The following PEX16 variants were observed in gnomAD, a reference collection of about 807,000 sequenced individuals.
PEX16 encodes the protein peroxin 16.
A neutral mutation model predicts 50.5 loss-of-function variants in PEX16; 37 were observed. That is an observed-to-expected ratio of 0.73 (90% CI 0.56 to 0.96). The LOEUF is 0.96. Ranked by LOEUF, PEX16 falls within the 40% of genes least tolerant of loss-of-function variation. The pLI is 0.00. For missense variants in PEX16, 401 were observed against 438.3 expected (o/e 0.91, Z 0.76); for synonymous variants, 185 against 190.3 (o/e 0.97, Z 0.23).
At chr11:45,915,918 T>TTGTCA in intron 3 of PEX16, 82 bp from the exon 4 acceptor site, 2 of 1,341,170 alleles carry the variant, frequency 1.5e-6, no homozygotes, top group Non-Finnish European at 2.1e-6. Context: ...GGAGCTTCTC[T>TTGTCA]GACAAGAGAT....
At chr11:45,918,519 G>GT (rs1565083439), upstream of PEX16, 1 of 152,844 alleles carries the variant, frequency 6.5e-6, no homozygotes, top group African/African-American at 2.4e-5. Context: ...TATGGACTGT[G>GT]CCCCCCAAAG....
chr11:45,910,094 G>T lies in PEX16; in HGVS notation c.*160C>A. On this transcript the variant is annotated 3_prime_UTR_variant, in exon 11 of 11. Coordinates refer to ENST00000378750, the MANE Select transcript of PEX16 (RefSeq NM_004813.4). Reference sequence around the variant, plus strand: ...ATCGTCACAGGAGAGCGCAGTCAAGGGTGTCCTGGGAGGAACGCTGGTGGC... The same window carrying T: ...ATCGTCACAGGAGAGCGCAGTCAAGTGTGTCCTGGGAGGAACGCTGGTGGC... 2 of 1,611,146 alleles carry T rather than the reference G, an allele frequency of 1.2e-6. No homozygotes were observed. Among genetic ancestry groups the T allele is most frequent in the Non-Finnish European group, 1.7e-6 (2 of 1,179,646 alleles).
rs886044340 is a variant in PEX16, at chr11:45,916,244, G to A, written c.208C>T (p.Arg70Trp). The change falls in exon 3 of 11, where the codon CGG (arginine) becomes TGG (tryptophan). Residue 70 changes from arginine to tryptophan, a missense_variant. By Grantham distance (101) the Arg-to-Trp change is moderately radical. Transcript: ENST00000378750. ...ATTCTCACCACAGGCAACTTTTTCC[G>A]AAGCTCCTTCCGTAGGATCCCGTCA... is the stretch of plus-strand genomic sequence containing the variant. ...LNDGILRKEL[R>W]KKLPVSLSQQ... is the part of the protein sequence containing the mutation. The A allele has an allele frequency of 5.6e-6, 9 of 1,613,668 alleles. No homozygotes were observed. The highest frequency in any genetic ancestry group is 1.7e-5 in the Admixed American group (1 of 59,976).
In PEX16 at chr11:45,917,782, G is replaced by A. The variant is rs1185836143; in HGVS notation, c.30C>T (p.Arg10=). ...GGTGACGAGTCACGTACTCCTGGTA[G>A]CGGAGGCCCAGGAGCCGCAGCTTCT... MEKLRLLGL[R]YQEYVTRHPA... is the part of the protein sequence containing the mutation. The change falls in exon 1 of 11, where the codon CGC becomes CGT. Residue 10 remains arginine (R), a synonymous_variant. Coordinates refer to ENST00000378750, the MANE Select transcript of PEX16 (RefSeq NM_004813.4). The A allele has an allele frequency of 6.5e-7, 1 of 1,548,030 alleles. No individual in the cohort carries two copies. The highest frequency in any genetic ancestry group is 8.7e-7 in the Non-Finnish European group (1 of 1,148,114).
At chr11:45,917,518 T>G in intron 1 of PEX16, 25 bp from the exon 2 acceptor site, 1 of 1,613,366 alleles carries the variant, frequency 6.2e-7, no homozygotes, top group Non-Finnish European at 8.5e-7. Flanking sequence ...CAGAAGGAGG[T>G]GTGAGTGAGC....
At position 45,909,962 on chromosome 11, in the gene PEX16, C is replaced by A; in HGVS notation, c.*292G>T. ...ATGGCTGCCGAGGCGAGCAGCTTCC[C>A]GGGCTCCATGAGGTGAAGTCACCGC... On this transcript the variant is annotated 3_prime_UTR_variant, in exon 11 of 11. Transcript: ENST00000378750. 1 of 857,460 alleles carries A rather than the reference C, an allele frequency of 1.2e-6. No individual in the cohort carries two copies. Among genetic ancestry groups the A allele is most frequent in the Non-Finnish European group, 1.9e-6 (1 of 519,018 alleles). 53.1% of individuals were successfully genotyped at this position (857,460 alleles called of 1,614,324 possible).
rs756167148 is a variant in PEX16 at position 45,914,324 on chromosome 11, A to G, written c.686T>C (p.Leu229Pro). ...IAEFLYIARP[L>P]LHLLSLGLWG... is the part of the protein sequence containing the mutation. ...CCCCGCGCTAAGGATACAGTGCAGCAGCGGCCGGGCAATGTACAAAAACTC... is the reference window on the plus strand; with the variant it reads ...CCCCGCGCTAAGGATACAGTGCAGCGGCGGCCGGGCAATGTACAAAAACTC... The change falls in exon 7 of 11, where the codon CTG becomes CCG. Residue 229 changes from leucine to proline, a missense_variant. Physicochemically the swap from Leu to Pro is moderately conservative, Grantham distance 98 (BLOSUM62 -3). Coordinates refer to ENST00000378750, the MANE Select transcript of PEX16 (RefSeq NM_004813.4). 6.2e-7 allele frequency: 1 copy of G among 1,613,118 alleles called. No individual in the cohort carries two copies. Among genetic ancestry groups the G allele is most frequent in the Non-Finnish European group, 8.5e-7 (1 of 1,180,040 alleles).
At chr11:45,911,418 A>G (rs1439874800) in intron 9 of PEX16, among the ~76,000 whole-genome samples, 2 of 152,258 alleles carry the variant, frequency 1.3e-5, no homozygotes, top group Non-Finnish European at 2.9e-5. Context: ...GGGACACAGT[A>G]CTGAAGAGGG....
At chr11:45,910,852 A>G in intron 10 of PEX16, 46 bp downstream of exon 10, 1 of 1,500,960 alleles carries the variant, frequency 6.7e-7, no homozygotes, top group Non-Finnish European at 9.3e-7. Flanking sequence ...GCTTGCATGC[A>G]TGCGCCTTCC....
chr11:45,917,587 C>G (rs747989706), intron 1 of PEX16, 94 bp from the exon 2 acceptor site: 1 of 1,527,118 alleles, frequency 6.5e-7, no homozygotes, highest in African/African-American at 1.4e-5. Flanking sequence ...CCTTTGGGAA[C>G]CTGGACGGGT....
At chr11:45,912,179 C>G (rs2086785985) in intron 9 of PEX16, among the ~76,000 whole-genome samples, 1 of 151,926 alleles carries the variant, frequency 6.6e-6, no homozygotes, top group Non-Finnish European at 1.5e-5. Flanking sequence ...GAAGGAGCAG[C>G]CTTACTCTTT....
At chr11:45,913,078 C>T (rs1383073865) in intron 9 of PEX16, among the ~76,000 whole-genome samples, 1 of 152,078 alleles carries the variant, frequency 6.6e-6, no homozygotes, top group Non-Finnish European at 1.5e-5. Context: ...CTGCCTTGGC[C>T]TCCTAAAGTG....
intron 9 of PEX16, 32 bp from the exon 10 acceptor site, chr11:45,910,994 AGTGGG>A: frequency 8.3e-7 from 1 of 1,200,770 alleles, no homozygotes; most frequent in Non-Finnish European, 1.2e-6. Context: ...GAGCAAGCTG[AGTGGG>A]GTGGGGGTGG....
Position 45,917,454 on chromosome 11 carries a change from T to C in PEX16, c.148+4A>G. 1 of 1,613,690 alleles carries C rather than the reference T, an allele frequency of 6.2e-7. No homozygotes were observed. The highest frequency in any genetic ancestry group is 8.5e-7 in the Non-Finnish European group (1 of 1,179,842). The stretch of plus-strand genomic sequence containing the variant: ...CCATCCCCCACCCCCAGAGCCCGGC[T>C]CACCCAGCTCTGACAGCTCGTGCGA... On this transcript the variant is annotated splice_donor_region_variant and intron_variant, in intron 2 of 10. Transcript: ENST00000378750.
At chr11:45,916,359 C>A (rs1283330350) in intron 2 of PEX16, 56 bp from the exon 3 acceptor site, 25 of 1,348,464 alleles carry the variant, frequency 1.9e-5, no homozygotes, top group Non-Finnish European at 2.3e-5. Context: ...ATCCCTCTCA[C>A]CTTCTCCCCA....
At chr11:45,918,525 C>CA (rs1344172330), upstream of PEX16, 1 of 152,576 alleles carries the variant, frequency 6.6e-6, no homozygotes, top group Non-Finnish European at 1.5e-5. Context: ...CTGTGCCCCC[C>CA]AAAGGGCTCG....
In PEX16 at chr11:45,917,821, G is replaced by C. The variant is rs755553702; in HGVS notation, c.-10C>G. 3.3e-6 allele frequency: 5 copies of C among 1,522,336 alleles called. No homozygotes were observed. The Admixed American group carries it at 7.8e-5, about 24-fold the overall frequency. 94.3% of individuals were successfully genotyped at this position (1,522,336 alleles called of 1,614,324 possible). On this transcript the variant is annotated 5_prime_UTR_variant, in exon 1 of 11. Transcript: ENST00000378750. The stretch of plus-strand genomic sequence containing the variant: ...GCCGCAGCTTCTCCATCCTGCCCTC[G>C]GCACCGACAGACCCACAGAAGGACC...
intron 1 of PEX16, 58 bp from the exon 2 acceptor site, chr11:45,917,551 G>C: frequency 1.2e-6 from 2 of 1,601,742 alleles, no homozygotes; most frequent in Non-Finnish European, 1.7e-6. Context: ...TTTCGTCTTC[G>C]GGTCCCGGAA....
intron 6 of PEX16, 49 bp downstream of exon 6, chr11:45,914,555 C>T: frequency 1.2e-6 from 2 of 1,612,088 alleles, no homozygotes; most frequent in Non-Finnish European, 1.7e-6. Flanking sequence ...TCCCTCAAGC[C>T]CAGGCAGACA....
Sources: gnomAD v4.1 joint callset for allele counts (sites outside exome capture counted in the v4.1 genomes callset) on GRCh38, gnomAD v4.1.1 for gene constraint, MANE v1.5 for transcripts, NCBI Gene and HGNC (gene_info 2026-07-23, HGNC 2026-07-21) for gene names.